Variants in CFAP299 observed in about 807,000 individuals in gnomAD.
CFAP299 encodes the protein cilia and flagella associated protein 299, also known as cilia- and flagella-associated protein 299.
A neutral mutation model predicts 27.0 loss-of-function variants in CFAP299; 21 were observed. The observed-to-expected ratio is 0.78, with a 90% CI of 0.55 to 1.12. The LOEUF (loss-of-function observed/expected upper bound fraction) is 1.12, where lower values mean the gene tolerates loss of function less well. CFAP299 is among the 50% of genes most tolerant of loss of function. The pLI, the probability that CFAP299 is intolerant of heterozygous loss-of-function variation, is 0.00. For synonymous variants in CFAP299, 104 were observed against 98.1 expected (o/e 1.06, Z -0.36); for missense variants, 310 against 276.6 (o/e 1.12, Z -0.86).
rs144767278 is a variant in CFAP299, at chr4:80,477,473, A to C, written c.243-105620A>C. On this transcript the variant is annotated intron_variant, in intron 2 of 5. Transcript: ENST00000358105. The stretch of plus-strand genomic sequence containing the variant: ...CAGTATTCATGGAGATAAGCTTTCC[A>C]TTTTGGCCACTCAGGCTTTGGCCCT... 2.2e-3 allele frequency among the ~76,000 whole-genome samples: 338 copies of C among 152,042 alleles called. 2 individuals are homozygous for C. The highest frequency in any genetic ancestry group is 2.9e-3 in the East Asian group (15 of 5,160).
chr4:80,851,772 T>C (rs763370838), intron 3 of CFAP299, among the ~76,000 whole-genome samples: 53 of 152,198 alleles, frequency 3.5e-4, no homozygotes, highest in Non-Finnish European at 7.3e-4. Flanking sequence ...CATCTTCTGT[T>C]AAGCTGATCT....
At chr4:80,386,545 C>G (rs1725016490) in intron 2 of CFAP299, 15 of 1,593,896 alleles carry the variant, frequency 9.4e-6, no homozygotes, top group Non-Finnish European at 1.3e-5. Flanking sequence ...TTTGCAGGTC[C>G]TTTTCCTTCT....
chr4:80,832,555 C>T (rs943035121), intron 3 of CFAP299, among the ~76,000 whole-genome samples: 4 of 151,970 alleles, frequency 2.6e-5, no homozygotes, highest in African/African-American at 9.7e-5. Flanking sequence ...ATTAAATTTT[C>T]ATATAAACGT....
intron 3 of CFAP299, among the ~76,000 whole-genome samples, chr4:80,806,672 AT>A (rs1358358274): frequency 6.6e-6 from 1 of 152,206 alleles, no homozygotes; most frequent in African/African-American, 2.4e-5. Context: ...AAGTGGAACA[AT>A]TAGGGTGGGA....
At chr4:80,905,061 T>C (rs972143243) in intron 4 of CFAP299, among the ~76,000 whole-genome samples, 14 of 152,228 alleles carry the variant, frequency 9.2e-5, no homozygotes, top group African/African-American at 3.4e-4. Context: ...GTAAATTTTG[T>C]AATAAAAACA....
chr4:80,735,860 A>C (rs574895584), intron 3 of CFAP299, among the ~76,000 whole-genome samples: 43 of 152,172 alleles, frequency 2.8e-4, no homozygotes, highest in Middle Eastern at 3.4e-3. Context: ...GAGGTTTTTT[A>C]CATAAATGTC....
At chr4:80,459,024 C>G (rs377354523) in intron 2 of CFAP299, among the ~76,000 whole-genome samples, 2 of 151,882 alleles carry the variant, frequency 1.3e-5, no homozygotes, top group South Asian at 4.2e-4. Context: ...TCTATCATTC[C>G]GGCTGGAGTG....
chr4:80,764,891 G>A (rs145238115), intron 3 of CFAP299, among the ~76,000 whole-genome samples: 13 of 152,106 alleles, frequency 8.5e-5, no homozygotes, highest in Admixed American at 4.6e-4. Flanking sequence ...TGAACGACGA[G>A]AACACATGGA....
At chr4:80,414,657 G>T (rs1056419788) in intron 2 of CFAP299, among the ~76,000 whole-genome samples, 1 of 152,130 alleles carries the variant, frequency 6.6e-6, no homozygotes, top group African/African-American at 2.4e-5. Flanking sequence ...CAAGGGGGCT[G>T]CTACGGCTAA....
the CFAP299 span, among the ~76,000 whole-genome samples, chr4:80,322,461 C>A: frequency 6.6e-6 from 1 of 152,150 alleles, no homozygotes; most frequent in South Asian, 2.1e-4. Flanking sequence ...CTTCTATTAC[C>A]ATCCCCCTGT....
chr4:80,490,348 A>T (rs1731052027), intron 2 of CFAP299, among the ~76,000 whole-genome samples: 1 of 152,216 alleles, frequency 6.6e-6, no homozygotes, highest in African/African-American at 2.4e-5. Context: ...TCAATTTAGT[A>T]ATTTCGAGCT....
chr4:80,498,733 G>A (rs771210973), intron 2 of CFAP299, among the ~76,000 whole-genome samples: 19 of 151,930 alleles, frequency 1.3e-4, no homozygotes, highest in Non-Finnish European at 1.8e-4. Context: ...CTCAGCAATC[G>A]GATTACAGGG....
At chr4:80,769,072 T>C (rs910281230) in intron 3 of CFAP299, among the ~76,000 whole-genome samples, 8 of 152,168 alleles carry the variant, frequency 5.3e-5, no homozygotes, top group Admixed American at 1.3e-4. Context: ...AGGTTAAATG[T>C]ACTTAGGTTA....
chr4:80,718,264 A>T (rs908530891), intron 3 of CFAP299, among the ~76,000 whole-genome samples: 4 of 152,104 alleles, frequency 2.6e-5, no homozygotes, highest in Admixed American at 2.6e-4. Context: ...AAGGAAAAGC[A>T]TGGGAGAGTA....
chr4:80,934,221 T>G (rs1362923871), intron 4 of CFAP299, among the ~76,000 whole-genome samples: 1 of 152,134 alleles, frequency 6.6e-6, no homozygotes, highest in Non-Finnish European at 1.5e-5. Flanking sequence ...TCAAATTTAT[T>G]TATTTGCATA....
intron 1 of CFAP299, among the ~76,000 whole-genome samples, chr4:80,347,727 A>G (rs559421771): frequency 1.3e-5 from 2 of 152,358 alleles, no homozygotes; most frequent in South Asian, 4.1e-4. Context: ...TATAGATACA[A>G]TGCTATTCCC....
intron 2 of CFAP299, among the ~76,000 whole-genome samples, chr4:80,458,722 C>G (rs552891515): frequency 3.9e-5 from 6 of 152,134 alleles, no homozygotes; most frequent in Non-Finnish European, 7.4e-5. Context: ...GAAGATGCAG[C>G]CTTCCCCTCC....
the CFAP299 span, among the ~76,000 whole-genome samples, chr4:80,328,945 C>T: frequency 6.2e-3 from 936 of 152,158 alleles, 2 homozygotes; most frequent in Middle Eastern, 0.02. Context: ...CAACTTTTTT[C>T]TCATATATTT....
chr4:80,912,632 G>A (rs1360231408), intron 4 of CFAP299, among the ~76,000 whole-genome samples: 1 of 152,178 alleles, frequency 6.6e-6, no homozygotes, highest in Non-Finnish European at 1.5e-5. Flanking sequence ...CCACGCGTAT[G>A]GCTCAAGCCC....
Sources: allele counts gnomAD v4.1 joint callset (sites outside exome capture counted in the v4.1 genomes callset), GRCh38; gene constraint gnomAD v4.1.1; transcripts MANE v1.5; gene names NCBI Gene and HGNC (gene_info 2026-07-23, HGNC 2026-07-21).